FAM135B: variants seen among roughly 807,000 people sequenced by gnomAD.
FAM135B encodes family with sequence similarity 135 member B.
In FAM135B, 43 loss-of-function variants were observed where a neutral mutation model predicts 127.7. That is an observed-to-expected ratio of 0.34 (90% CI 0.26 to 0.43). The LOEUF (loss-of-function observed/expected upper bound fraction) is 0.43. Among genes scored for constraint, FAM135B ranks in the 20% least tolerant of loss-of-function variants. FAM135B has a pLI of 1.00. For missense variants in FAM135B, 1,558 were observed against 1,725.6 expected (o/e 0.90, Z 1.72); for synonymous variants, 670 against 665.1 (o/e 1.01, Z -0.11).
chr8:138,146,511 C>A (rs1316215349), intron 14 of FAM135B, among the ~76,000 whole-genome samples: 1 of 152,126 alleles, frequency 6.6e-6, no homozygotes, highest in Non-Finnish European at 1.5e-5. Flanking sequence ...CCCTACCTCC[C>A]AACTGGCCAA....
rs2130746520 is a variant in FAM135B at position 138,151,874 on chromosome 8, A to T, written c.2601T>A (p.Thr867=). The change falls in exon 13 of 20, where the codon ACT becomes ACA. Residue 867 remains threonine, a synonymous_variant. Transcript: ENST00000395297. ...AQGHCLPDGR[T]ENTPGVETKG... ...TGGTTTCAACACCTGGAGTGTTCTC[A>T]GTCCTGCCATCAGGAAGACAGTGTC... 6.2e-7 allele frequency: 1 copy of T among 1,614,018 alleles called. No homozygotes were observed. Among genetic ancestry groups the T allele is most frequent in the Non-Finnish European group, 8.5e-7 (1 of 1,179,894 alleles).
chr8:138,365,112 G>T (rs988430808), intron 2 of FAM135B, among the ~76,000 whole-genome samples: 3 of 152,138 alleles, frequency 2.0e-5, no homozygotes, highest in Non-Finnish European at 2.9e-5. Context: ...CTCCCAAAGT[G>T]CTGGGATTAC....
chr8:138,148,232 A>T (rs182008679), intron 14 of FAM135B, among the ~76,000 whole-genome samples: 150 of 152,304 alleles, frequency 9.8e-4, no homozygotes, highest in African/African-American at 3.4e-3. Flanking sequence ...CACTCATTGT[A>T]TTCATCATTT....
chr8:138,336,142 C>A (rs529253171), intron 2 of FAM135B, among the ~76,000 whole-genome samples: 1 of 151,846 alleles, frequency 6.6e-6, no homozygotes, highest in Non-Finnish European at 1.5e-5. Flanking sequence ...TAAATGCCCA[C>A]AAGAGAAAGC....
chr8:138,168,040 C>A lies in FAM135B; in HGVS notation c.1113G>T (p.Thr371=), dbSNP rs745439659. 9.9e-6 allele frequency: 16 copies of A among 1,612,590 alleles called. No homozygotes were observed. In the Admixed American group the frequency reaches 1.5e-4, roughly 15 times the overall value. Residue 371 remains threonine (T), a synonymous_variant, in exon 12 of 20, where the codon ACG becomes ACT. Coordinates refer to ENST00000395297, the MANE Select transcript of FAM135B (RefSeq NM_015912.4). ...GGATATCCAGGGACAGCTGGCTGTG[C>A]GTCTGTATCCTGGGGAGCACATGGC... ...VLTFQENLIQ[T]HSQLSLDIRN... is the part of the protein sequence containing the mutation.
In FAM135B at chr8:138,151,683, T is replaced by G. The variant is rs750902509; in HGVS notation, c.2792A>C (p.Gln931Pro). Residue 931 changes from glutamine (Q) to proline (P), a missense_variant, in exon 13 of 20, where the codon CAA becomes CCA. Gln to Pro is a moderately conservative substitution (Grantham distance 76, BLOSUM62 -1). Around this residue, in one of 5 missense-constraint regions of FAM135B, gnomAD observed 923 missense variants for 865.3 expected, o/e 1.07. Coordinates refer to ENST00000395297, the MANE Select transcript of FAM135B (RefSeq NM_015912.4). ...SGISEVEGLSQHQVPELSCTS... is the reference protein window; with the variant it reads ...SGISEVEGLSPHQVPELSCTS... ...ACAGCTCAATTCAGGCACCTGATGT[T>G]GAGAGAGACCCTCAACCTCTGAGAT... 2 of 1,614,186 alleles carry G rather than the reference T, an allele frequency of 1.2e-6. No homozygotes were observed. Among genetic ancestry groups the G allele is most frequent in the Non-Finnish European group, 1.7e-6 (2 of 1,180,032 alleles).
At chr8:138,436,299 T>C (rs533498646) in intron 1 of FAM135B, among the ~76,000 whole-genome samples, 6 of 152,332 alleles carry the variant, frequency 3.9e-5, no homozygotes, top group African/African-American at 1.2e-4. Context: ...ATCACACTTA[T>C]ATGGTTACTT....
intron 6 of FAM135B, among the ~76,000 whole-genome samples, chr8:138,247,256 AG>A (rs1821361870): frequency 6.6e-6 from 1 of 152,198 alleles, no homozygotes; most frequent in African/African-American, 2.4e-5. Flanking sequence ...GGGAAGGATT[AG>A]GGTGGAATGA....
intron 1 of FAM135B, among the ~76,000 whole-genome samples, chr8:138,390,191 G>A (rs774995707): frequency 1.4e-4 from 21 of 152,010 alleles, no homozygotes; most frequent in Non-Finnish European, 2.4e-4. Context: ...GTCTGATATC[G>A]CCCGGCCTTG....
At chr8:138,205,830 G>C (rs767977670) in intron 7 of FAM135B, among the ~76,000 whole-genome samples, 12 of 152,050 alleles carry the variant, frequency 7.9e-5, no homozygotes, top group Non-Finnish European at 1.6e-4. Context: ...AGCAGAAGCT[G>C]CTGGGCTGGA....
intron 3 of FAM135B, among the ~76,000 whole-genome samples, chr8:138,281,521 G>A (rs1824263852): frequency 6.6e-6 from 1 of 151,624 alleles, no homozygotes; most frequent in South Asian, 2.1e-4. Flanking sequence ...CTAAAAGCTC[G>A]AGGAAATTTT....
intron 1 of FAM135B, among the ~76,000 whole-genome samples, chr8:138,485,377 C>T (rs561798983): frequency 2.0e-5 from 3 of 152,116 alleles, no homozygotes; most frequent in South Asian, 2.1e-4. Flanking sequence ...AAGGAAGAGT[C>T]GCATCGAGGT....
At chr8:138,197,439 C>A (rs188821725) in intron 8 of FAM135B, 77 bp downstream of exon 8, 2 of 1,530,964 alleles carry the variant, frequency 1.3e-6, no homozygotes, top group African/African-American at 2.7e-5. Flanking sequence ...CAAAAGCATG[C>A]CAGCTTTTCC....
rs76897054 is a variant in FAM135B, at chr8:138,363,530, G to C, written c.77+4377C>G. Among the ~76,000 whole-genome samples the C allele has an allele frequency of 3.7e-4, 56 of 152,184 alleles. No individual in the cohort carries two copies. In the East Asian group the frequency reaches 0.011, roughly 30 times the overall value. The stretch of plus-strand genomic sequence containing the variant: ...TACTGCTGAATGTGGGGGTGATATC[G>C]TATGATTCTTGATGACTGGTTTGAG... On this transcript the variant is annotated intron_variant, in intron 2 of 19. Transcript: ENST00000395297.
At chr8:138,457,874 G>A (rs557164069) in intron 1 of FAM135B, among the ~76,000 whole-genome samples, 1 of 152,118 alleles carries the variant, frequency 6.6e-6, no homozygotes, top group Admixed American at 6.5e-5. Flanking sequence ...CTACTCGAGA[G>A]GCTGCGGCAG....
intron 2 of FAM135B, among the ~76,000 whole-genome samples, chr8:138,312,101 C>A (rs190126375): frequency 2.0e-5 from 3 of 152,206 alleles, no homozygotes; most frequent in Admixed American, 2.0e-4. Flanking sequence ...CACGCACCAC[C>A]ACGCCTGGCT....
chr8:138,406,575 T>A (rs892580826), intron 1 of FAM135B, among the ~76,000 whole-genome samples: 5 of 152,206 alleles, frequency 3.3e-5, no homozygotes, highest in Admixed American at 3.3e-4. Flanking sequence ...TCAAGTGGGC[T>A]TCATCCCTGG....
chr8:138,279,649 C>T (rs1202495797), intron 3 of FAM135B, among the ~76,000 whole-genome samples: 4 of 152,190 alleles, frequency 2.6e-5, no homozygotes, highest in Non-Finnish European at 1.5e-5. Flanking sequence ...GACAAAGATG[C>T]CCATCGTTAT....
intron 3 of FAM135B, among the ~76,000 whole-genome samples, chr8:138,271,234 G>A (rs1243248913): frequency 6.6e-6 from 1 of 152,092 alleles, no homozygotes; most frequent in Non-Finnish European, 1.5e-5. Context: ...TCAAATTGGT[G>A]ACACATCAAT....
Sources: allele counts gnomAD v4.1 joint callset (sites outside exome capture counted in the v4.1 genomes callset), GRCh38; gene constraint gnomAD v4.1.1; regional missense constraint gnomAD v4.1.1; transcripts MANE v1.5; gene names NCBI Gene and HGNC (gene_info 2026-07-23, HGNC 2026-07-21).